The following C7 variants were observed in gnomAD, a reference collection of about 807,000 sequenced individuals.
The protein encoded by C7 is complement component C7.
Under a neutral mutation model 104.8 loss-of-function variants are expected in C7, and 83 were observed. The observed-to-expected ratio is 0.79, with a 90% CI of 0.66 to 0.95. The LOEUF (loss-of-function observed/expected upper bound fraction) is 0.95. C7 is among the 40% of genes least tolerant of loss of function. The probability of loss-of-function intolerance (pLI) is 0.00; values close to 1 mark genes in which losing one functional copy is unlikely to be tolerated. For missense variants in C7, 1,070 were observed against 1,011.2 expected (o/e 1.06, Z -0.79); for synonymous variants, 415 against 360.6 (o/e 1.15, Z -1.71).
At position 40,984,439 on chromosome 5, in the gene C7, A is replaced by G. The variant is rs377546945; in HGVS notation, c.*2866A>G. On this transcript the variant is annotated 3_prime_UTR_variant, in exon 18 of 18. Coordinates refer to ENST00000313164, the MANE Select transcript of C7 (RefSeq NM_000587.4). ...AGATCATGGCTAATCTCAGCTTCAC[A>G]TGAGTCTTGTGAACCATCTAGTTGT... Among the ~76,000 whole-genome samples the G allele has an allele frequency of 1.2e-4, 18 of 152,244 alleles. No individual in the cohort carries two copies. The South Asian group carries it at 1.5e-3, about 12-fold the overall frequency.
intron 1 of C7, among the ~76,000 whole-genome samples, chr5:40,928,137 T>G (rs1180521884): frequency 6.6e-6 from 1 of 152,148 alleles, no homozygotes; most frequent in Non-Finnish European, 1.5e-5. Context: ...AAACATTATG[T>G]TAAGTTAAAT....
In C7 at chr5:40,958,176, T is replaced by C. The variant is rs755679453; in HGVS notation, c.1404T>C (p.Val468=). 2.5e-6 allele frequency: 4 copies of C among 1,613,734 alleles called. No individual in the cohort carries two copies. The highest frequency in any genetic ancestry group is 3.4e-6 in the Non-Finnish European group (4 of 1,179,766). ...GTCAAAATGGTGGTTTGGCTACTGT[T>C]GAGGGGACCCATTGTCTGTGCCATT... ...RPCQNGGLAT[V]EGTHCLCHCK... Residue 468 remains valine, a synonymous_variant, in exon 11 of 18, where the codon GTT becomes GTC. Coordinates refer to ENST00000313164, the MANE Select transcript of C7 (RefSeq NM_000587.4).
chr5:40,967,002 G>T lies in C7; in HGVS notation c.1882+2129G>T, dbSNP rs185544170. On this transcript the variant is annotated intron_variant, in intron 14 of 17. Coordinates refer to ENST00000313164, the MANE Select transcript of C7 (RefSeq NM_000587.4). ...GATTAATAAGAAACTTCTACTTGAA[G>T]GGCTTCTTTTCCTTTATTGTGAACC... Among the ~76,000 whole-genome samples, 13 of 151,946 alleles carry T rather than the reference G, an allele frequency of 8.6e-5. No individual in the cohort carries two copies. In the East Asian group the frequency reaches 1.9e-3, roughly 23 times the overall value.
intron 4 of C7, among the ~76,000 whole-genome samples, chr5:40,934,915 G>T (rs1295596614): frequency 6.6e-6 from 1 of 152,178 alleles, no homozygotes; most frequent in African/African-American, 2.4e-5. Flanking sequence ...TTTTGGCATA[G>T]AATATTATTT....
intron 1 of C7, among the ~76,000 whole-genome samples, chr5:40,917,836 AT>A (rs1443972487): frequency 2.0e-5 from 3 of 152,200 alleles, no homozygotes; most frequent in Admixed American, 6.5e-5. Context: ...CATTTAAGAA[AT>A]GTAAGCTAGA....
chr5:40,943,004 C>T (rs1368323309), intron 6 of C7, among the ~76,000 whole-genome samples: 1 of 152,152 alleles, frequency 6.6e-6, no homozygotes, highest in African/African-American at 2.4e-5. Context: ...CCTTGTGACC[C>T]GCCCACCTTG....
Position 40,972,427 on chromosome 5 carries a change from TG to T in C7, c.1908del (p.Met637TrpfsTer19). 1 of 1,613,894 alleles carries T rather than the reference TG, an allele frequency of 6.2e-7. No individual in the cohort carries two copies. The highest frequency in any genetic ancestry group is 1.3e-5 in the African/African-American group (1 of 75,046). The stretch of plus-strand genomic sequence containing the variant: ...GAAATTGCCTGTGTTCTACCTGTAC[TG>T]ATGGATGGCATACAGAGTCACCCCC... ...CQKIACVLPV[L>X]MDGIQSHPQK... is the part of the protein sequence containing the mutation. On this transcript the variant is annotated frameshift_variant, in exon 15 of 18. Coordinates refer to ENST00000313164, the MANE Select transcript of C7 (RefSeq NM_000587.4). LOFTEE classifies it high-confidence loss of function.
At position 40,949,922 on chromosome 5, in the gene C7, A is replaced by G; in HGVS notation, c.1001A>G (p.Glu334Gly). 1.3e-6 allele frequency: 2 copies of G among 1,590,454 alleles called. No individual in the cohort carries two copies. Among genetic ancestry groups the G allele is most frequent in the African/African-American group, 1.3e-5 (1 of 74,712 alleles). The change falls in exon 9 of 18, where the codon GAA (glutamate) becomes GGA (glycine). Residue 334 changes from glutamate to glycine, a missense_variant. Coordinates refer to ENST00000313164, the MANE Select transcript of C7 (RefSeq NM_000587.4). ...CCCCTAGATTTTAATTCAGTCGAAG[A>G]AAAGAAATGTAAATCCTCAGGTTGG... is the stretch of plus-strand genomic sequence containing the variant. ...LKQNDFNSVE[E>G]KKCKSSGWHF... is the part of the protein sequence containing the mutation.
At chr5:40,924,800 AGGCTGGAGCTGGAGAGT>A (rs1479653700) in intron 1 of C7, among the ~76,000 whole-genome samples, 20 of 152,340 alleles carry the variant, frequency 1.3e-4, no homozygotes, top group Non-Finnish European at 2.8e-4. Flanking sequence ...CACTGAGCCA[AGGCTGGAGCTGGAGAGT>A]GGCCTGCATG....
chr5:40,944,610 G>A (rs1740007454), intron 6 of C7, among the ~76,000 whole-genome samples: 1 of 152,264 alleles, frequency 6.6e-6, no homozygotes, highest in African/African-American at 2.4e-5. Context: ...AGCTGAAGCT[G>A]TCACTTCTCA....
At chr5:40,973,848 T>A (rs1343041484) in intron 15 of C7, among the ~76,000 whole-genome samples, 1 of 152,252 alleles carries the variant, frequency 6.6e-6, no homozygotes, top group Non-Finnish European at 1.5e-5. Context: ...CACAGTTTGG[T>A]ATGAAGTTTC....
chr5:40,968,663 G>C (rs1294943514), intron 14 of C7, among the ~76,000 whole-genome samples: 2 of 124,022 alleles, frequency 1.6e-5, no homozygotes, highest in Non-Finnish European at 3.2e-5. Flanking sequence ...CCATGCTGAA[G>C]TGCAGTGGTG....
intron 1 of C7, 145 bp from the exon 2 acceptor site, chr5:40,928,435 T>C: frequency 1.7e-6 from 1 of 581,122 alleles, no homozygotes; most frequent in Non-Finnish European, 3.0e-6. Flanking sequence ...ATATGTTAAC[T>C]GGCTTGATGA....
chr5:40,964,091 GGCATGCAGTGGCACTATCTC>G (rs1216497142), intron 13 of C7, among the ~76,000 whole-genome samples: 1 of 128,780 alleles, frequency 7.8e-6, no homozygotes, highest in Admixed American at 9.4e-5. Flanking sequence ...CACACAGGCT[GGCATGCAGTGGCACTATCTC>G]GCCTCACTGC....
At chr5:40,955,775 T>G (rs1225657345) in intron 10 of C7, among the ~76,000 whole-genome samples, 1 of 152,178 alleles carries the variant, frequency 6.6e-6, no homozygotes, top group Non-Finnish European at 1.5e-5. Context: ...GTCTTGCAAT[T>G]TCCAAGATAA....
rs1739197745 is a variant in C7 at position 40,911,055 on chromosome 5, A to C, written c.6+1439A>C. 3.3e-5 allele frequency: 5 copies of C among 152,300 alleles called. No homozygotes were observed. The South Asian group carries it at 1.0e-3, about 32-fold the overall frequency. The allele number at this position is 152,300 out of a possible 1,614,324, so 9.4% of individuals were successfully genotyped here. ...CAAATAAAGCAATTAATTTTTTAAA[A>C]ATTTTACATATAGGGGCTTTCCAGC... is the stretch of plus-strand genomic sequence containing the variant. On this transcript the variant is annotated intron_variant, in intron 1 of 17. Coordinates refer to ENST00000313164, the MANE Select transcript of C7 (RefSeq NM_000587.4).
chr5:40,918,976 A>T (rs1159902342), intron 1 of C7, among the ~76,000 whole-genome samples: 1 of 151,652 alleles, frequency 6.6e-6, no homozygotes, highest in Non-Finnish European at 1.5e-5. Context: ...ACACACACAC[A>T]CACACACACA....
chr5:40,939,322 C>A (rs1421184507), intron 6 of C7, among the ~76,000 whole-genome samples: 1 of 152,172 alleles, frequency 6.6e-6, no homozygotes, highest in Non-Finnish European at 1.5e-5. Flanking sequence ...GGCATCTACA[C>A]TATTTTAGGT....
intron 15 of C7, among the ~76,000 whole-genome samples, chr5:40,973,342 AACTC>A (rs553505592): frequency 2.4e-3 from 366 of 152,340 alleles, no homozygotes; most frequent in African/African-American, 8.6e-3. Flanking sequence ...AATGAAGAAA[AACTC>A]ACTTGCATAC....
Sources: gnomAD v4.1 joint callset for allele counts (sites outside exome capture counted in the v4.1 genomes callset) on GRCh38, gnomAD v4.1.1 for gene constraint, MANE v1.5 for transcripts, NCBI Gene and HGNC (gene_info 2026-07-23, HGNC 2026-07-21) for gene names.